The following SEMA6D variants were observed in gnomAD, a reference collection of about 807,000 sequenced individuals.
SEMA6D encodes semaphorin-6D.
SEMA6D carries 35 observed loss-of-function variants against 106.6 expected under a neutral mutation model. The ratio of observed to expected loss-of-function variants is 0.33; its 90% CI spans 0.25 to 0.44. SEMA6D has a LOEUF of 0.44. Among genes scored for constraint, SEMA6D ranks in the 20% least tolerant of loss-of-function variants. The pLI, the probability that SEMA6D is intolerant of heterozygous loss-of-function variation, is 1.00. For synonymous variants in SEMA6D, 499 were observed against 487.7 expected (o/e 1.02, Z -0.31); for missense variants, 1,185 against 1,345.9 (o/e 0.88, Z 1.87).
chr15:47,462,616 T>C (rs2042548067), intron 2 of SEMA6D, among the ~76,000 whole-genome samples: 1 of 152,140 alleles, frequency 6.6e-6, no homozygotes, highest in African/African-American at 2.4e-5. Context: ...TTAAAACTAC[T>C]AGGTTCTTCG....
At chr15:47,623,587 CA>C (rs1165101604) in intron 4 of SEMA6D, among the ~76,000 whole-genome samples, 3 of 152,102 alleles carry the variant, frequency 2.0e-5, no homozygotes, top group South Asian at 2.1e-4. Context: ...ATACTACCAG[CA>C]GTAGTTTGTG....
chr15:47,763,725 C>T (rs183282028), intron 9 of SEMA6D, 125 bp from the exon 10 acceptor site: 6 of 830,210 alleles, frequency 7.2e-6, no homozygotes, highest in Admixed American at 1.8e-5. Context: ...AGAGAGAAGA[C>T]TGCTAGATTT....
chr15:47,365,480 G>A (rs1038717687), intron 1 of SEMA6D, among the ~76,000 whole-genome samples: 7 of 152,126 alleles, frequency 4.6e-5, no homozygotes, highest in Admixed American at 6.5e-5. Context: ...CTAAATCAGC[G>A]TCTAATCTCT....
chr15:47,487,954 C>T (rs1338420253), intron 3 of SEMA6D, among the ~76,000 whole-genome samples: 2 of 152,154 alleles, frequency 1.3e-5, no homozygotes, highest in Non-Finnish European at 2.9e-5. Flanking sequence ...AATCTATTAT[C>T]TGTACCACCA....
chr15:47,631,998 T>C (rs918460035), intron 4 of SEMA6D, among the ~76,000 whole-genome samples: 9 of 151,872 alleles, frequency 5.9e-5, no homozygotes, highest in Admixed American at 5.9e-4. Context: ...TTTATTGAGC[T>C]CTCTATTTTT....
intron 3 of SEMA6D, among the ~76,000 whole-genome samples, chr15:47,522,692 T>G (rs2044626199): frequency 6.6e-6 from 1 of 152,212 alleles, no homozygotes; most frequent in Admixed American, 6.5e-5. Flanking sequence ...ACACTGCCTT[T>G]GTGGCCTTTG....
intron 1 of SEMA6D, among the ~76,000 whole-genome samples, chr15:47,353,550 A>G (rs971351323): frequency 1.3e-5 from 2 of 152,204 alleles, no homozygotes; most frequent in Admixed American, 6.5e-5. Context: ...CTATGATTTC[A>G]TCCAGACGAA....
At chr15:47,307,263 G>T (rs1228497539) in intron 1 of SEMA6D, among the ~76,000 whole-genome samples, 1 of 152,160 alleles carries the variant, frequency 6.6e-6, no homozygotes, top group Non-Finnish European at 1.5e-5. Context: ...TCATATTAAA[G>T]AGTTTATTAA....
intron 2 of SEMA6D, among the ~76,000 whole-genome samples, chr15:47,462,227 G>C (rs1354374495): frequency 6.6e-6 from 1 of 151,932 alleles, no homozygotes; most frequent in African/African-American, 2.4e-5. Flanking sequence ...TTTTTGTTTT[G>C]ATTGTTTGGG....
In SEMA6D at chr15:47,618,113, C is replaced by T. The variant is rs77828708; in HGVS notation, c.-55+17217C>T. ...AGCCTGCTGGGTGACCTAACCCTTG[C>T]TGGGCTTTAATCCTCTGTCTGTAAG... is the stretch of plus-strand genomic sequence containing the variant. On this transcript the variant is annotated intron_variant, in intron 4 of 19. Transcript: ENST00000558014. 1.1e-3 allele frequency among the ~76,000 whole-genome samples: 163 copies of T among 152,284 alleles called. 1 individual carries two copies. The East Asian group carries it at 0.03, about 28-fold the overall frequency.
At chr15:47,318,870 T>A (rs922447787) in intron 1 of SEMA6D, among the ~76,000 whole-genome samples, 1 of 151,004 alleles carries the variant, frequency 6.6e-6, no homozygotes, top group Admixed American at 6.6e-5. Context: ...TTGAACTAGT[T>A]TACAGTCCCA....
intron 1 of SEMA6D, among the ~76,000 whole-genome samples, chr15:47,187,774 T>C (rs1193800330): frequency 6.6e-6 from 1 of 151,448 alleles, no homozygotes; most frequent in African/African-American, 2.4e-5. Context: ...TTCAGCATTG[T>C]CTGGTTAGAG....
chr15:47,609,986 A>AGCCT (rs1370605465), intron 4 of SEMA6D, among the ~76,000 whole-genome samples: 2 of 152,182 alleles, frequency 1.3e-5, no homozygotes, highest in African/African-American at 2.4e-5. Context: ...TGCTCGATCC[A>AGCCT]GCCTGGTCAT....
At chr15:47,671,545 TGGAACGTATTC>T (rs1221726422) in intron 4 of SEMA6D, among the ~76,000 whole-genome samples, 1 of 152,088 alleles carries the variant, frequency 6.6e-6, no homozygotes, top group Non-Finnish European at 1.5e-5. Flanking sequence ...CACTGGATAA[TGGAACGTATTC>T]GGGGACTACA....
At chr15:47,682,457 G>A (rs1008826424) in intron 4 of SEMA6D, among the ~76,000 whole-genome samples, 62 of 152,268 alleles carry the variant, frequency 4.1e-4, no homozygotes, top group African/African-American at 1.5e-3. Context: ...GTGAGCCACC[G>A]CACACAGCCA....
intron 3 of SEMA6D, among the ~76,000 whole-genome samples, chr15:47,580,314 G>A (rs1450827740): frequency 6.6e-6 from 1 of 152,098 alleles, no homozygotes; most frequent in Non-Finnish European, 1.5e-5. Flanking sequence ...AGGTTCTACT[G>A]GCATCCATGG....
intron 1 of SEMA6D, among the ~76,000 whole-genome samples, chr15:47,741,289 C>T (rs1350109450): frequency 6.6e-6 from 1 of 152,136 alleles, no homozygotes; most frequent in Non-Finnish European, 1.5e-5. Flanking sequence ...GCACCAACCT[C>T]CTAGGGGGTG....
chr15:47,589,762 T>C (rs923321850), intron 3 of SEMA6D, among the ~76,000 whole-genome samples: 4 of 152,224 alleles, frequency 2.6e-5, no homozygotes, highest in Middle Eastern at 3.2e-3. Flanking sequence ...GGACAGTCAC[T>C]GGTGGCCTTA....
At chr15:47,377,451 G>A (rs974109710) in intron 1 of SEMA6D, among the ~76,000 whole-genome samples, 19 of 152,178 alleles carry the variant, frequency 1.2e-4, no homozygotes, top group African/African-American at 2.7e-4. Flanking sequence ...GCTTGGGATC[G>A]GGGTGGATGG....
Sources: gnomAD v4.1 joint callset for allele counts (sites outside exome capture counted in the v4.1 genomes callset) on GRCh38, gnomAD v4.1.1 for gene constraint, MANE v1.5 for transcripts, NCBI Gene and HGNC (gene_info 2026-07-23, HGNC 2026-07-21) for gene names.